The following TRDMT1 variants were observed in gnomAD, a reference collection of about 807,000 sequenced individuals.
The protein encoded by TRDMT1 is tRNA (cytosine(38)-C(5))-methyltransferase.
Under a neutral mutation model 51.2 loss-of-function variants are expected in TRDMT1, and 49 were observed. That is an observed-to-expected ratio of 0.96 (90% CI 0.76 to 1.21). TRDMT1 has a LOEUF of 1.21. Among genes scored for constraint, TRDMT1 ranks in the 50% most tolerant of loss-of-function variants. TRDMT1 has a pLI of 0.00. For missense variants in TRDMT1, 534 were observed against 462.3 expected (o/e 1.16, Z -1.42); for synonymous variants, 187 against 164.6 (o/e 1.14, Z -1.04).
At chr10:17,160,511 G>A (rs978253244) in intron 5 of TRDMT1, 137 bp from the exon 6 acceptor site, 5 of 464,574 alleles carry the variant, frequency 1.1e-5, no homozygotes, top group Admixed American at 3.9e-5. Flanking sequence ...TCACTCTGTT[G>A]CCCAGGCTGG....
rs572913865 is a variant in TRDMT1 at position 17,141,407 on chromosome 10, C to T, written c.*7633G>A. On this transcript the variant is annotated 3_prime_UTR_variant, in exon 11 of 11. Coordinates refer to ENST00000377799, the MANE Select transcript of TRDMT1 (RefSeq NM_004412.7). ...TATCTCCTGACCTTATGATCTGCCCCCCTTCGCCTCCTAAAGTGCTGGGAT... is the reference window on the plus strand; with the variant it reads ...TATCTCCTGACCTTATGATCTGCCCTCCTTCGCCTCCTAAAGTGCTGGGAT... Among the ~76,000 whole-genome samples, 3 of 152,086 alleles carry T rather than the reference C, an allele frequency of 2.0e-5. No individual in the cohort carries two copies. The highest frequency in any genetic ancestry group is 6.6e-5 in the Admixed American group (1 of 15,266).
At chr10:17,171,541 G>C (rs555899540) in intron 2 of TRDMT1, 41 of 152,286 alleles carry the variant, frequency 2.7e-4, no homozygotes, top group African/African-American at 8.9e-4. Context: ...TTTTTGGCTT[G>C]TGGCCTTAAT....
At chr10:17,191,732 C>T (rs970122569) in intron 1 of TRDMT1, among the ~76,000 whole-genome samples, 19 of 152,118 alleles carry the variant, frequency 1.2e-4, no homozygotes, top group African/African-American at 1.2e-4. Flanking sequence ...AGCACCATTG[C>T]GGGAGGAGGG....
chr10:17,200,235 T>G (rs1378817294), intron 1 of TRDMT1, among the ~76,000 whole-genome samples: 2 of 152,194 alleles, frequency 1.3e-5, no homozygotes, highest in African/African-American at 4.8e-5. Flanking sequence ...ATTCGACACT[T>G]AAGGAATGGC....
chr10:17,146,578 AC>A lies in TRDMT1; in HGVS notation c.*2461del. The A allele has an allele frequency of 2.0e-6, 2 of 985,330 alleles. No homozygotes were observed. The highest frequency in any genetic ancestry group is 2.4e-6 in the Non-Finnish European group (2 of 829,808). 61.0% of individuals were successfully genotyped at this position (985,330 alleles called of 1,614,324 possible). ...TATGAAGCAGGGTAATAAATACCTT[AC>A]AATTATCTGGCAAGCCGTTTAAAAG... On this transcript the variant is annotated 3_prime_UTR_variant, in exon 11 of 11. Coordinates refer to ENST00000377799, the MANE Select transcript of TRDMT1 (RefSeq NM_004412.7).
intron 8 of TRDMT1, 125 bp from the exon 9 acceptor site, chr10:17,154,859 G>T: frequency 1.3e-6 from 1 of 765,416 alleles, no homozygotes; most frequent in Non-Finnish European, 2.0e-6. Context: ...CTTGAATAAT[G>T]TCACATAAAT....
At chr10:17,188,495 T>C (rs1350156670) in intron 1 of TRDMT1, among the ~76,000 whole-genome samples, 1 of 152,066 alleles carries the variant, frequency 6.6e-6, no homozygotes, top group African/African-American at 2.4e-5. Flanking sequence ...GCAGAGATGA[T>C]AAAACAACGA....
chr10:17,162,541 T>C (rs1840541966), intron 3 of TRDMT1, among the ~76,000 whole-genome samples: 1 of 152,124 alleles, frequency 6.6e-6, no homozygotes, highest in Non-Finnish European at 1.5e-5. Context: ...ACCCTGTCTC[T>C]ACTAAAAATA....
chr10:17,181,920 A>G (rs1843329831), intron 1 of TRDMT1, among the ~76,000 whole-genome samples: 1 of 152,058 alleles, frequency 6.6e-6, no homozygotes, highest in East Asian at 1.9e-4. Flanking sequence ...TTTGGGGGAA[A>G]CTTACCTCAC....
Position 17,145,021 on chromosome 10 carries a change from G to A in TRDMT1, c.*4019C>T, listed in dbSNP as rs73604239. ...CCCAGCACTTAGGGAAGCCAAGGTG[G>A]GTGGATTAACTTGAGGTCAGGTGTT... is the stretch of plus-strand genomic sequence containing the variant. On this transcript the variant is annotated 3_prime_UTR_variant, in exon 11 of 11. Coordinates refer to ENST00000377799, the MANE Select transcript of TRDMT1 (RefSeq NM_004412.7). 14,339 of 970,144 alleles carry A rather than the reference G, an allele frequency of 0.015. 1,575 individuals carry two copies. The African/African-American group carries it at 0.23, about 16-fold the overall frequency. 60.1% of individuals were successfully genotyped at this position (970,144 alleles called of 1,614,324 possible). A position where few individuals can be genotyped will look rare whatever the true frequency, so the allele number is the denominator to read the frequency against.
chr10:17,174,889 T>C (rs546526783), intron 1 of TRDMT1, among the ~76,000 whole-genome samples: 121 of 152,342 alleles, frequency 7.9e-4, no homozygotes, highest in African/African-American at 2.7e-3. Context: ...AAAGAGAAGA[T>C]TTAAATATTT....
Position 17,140,870 on chromosome 10 carries a change from C to T in TRDMT1, c.*8170G>A, listed in dbSNP as rs961623071. ...TTCACAGTTATAATCATTAGCTATA[C>T]GTTAGGTGTCTTCCTTTCATCTTTG... On this transcript the variant is annotated 3_prime_UTR_variant, in exon 11 of 11. Coordinates refer to ENST00000377799, the MANE Select transcript of TRDMT1 (RefSeq NM_004412.7). 3.3e-5 allele frequency among the ~76,000 whole-genome samples: 5 copies of T among 152,156 alleles called. No homozygotes were observed. The highest frequency in any genetic ancestry group is 2.1e-4 in the South Asian group (1 of 4,830).
At chr10:17,154,896 G>A (rs1252118146) in intron 8 of TRDMT1, among the ~76,000 whole-genome samples, 162 bp from the exon 9 acceptor site, 5 of 151,998 alleles carry the variant, frequency 3.3e-5, no homozygotes, top group African/African-American at 9.7e-5. Flanking sequence ...AAATTACTAG[G>A]TAAAAGACAT....
chr10:17,199,132 A>G (rs1226697242), intron 1 of TRDMT1, among the ~76,000 whole-genome samples: 2 of 152,260 alleles, frequency 1.3e-5, no homozygotes, highest in African/African-American at 4.8e-5. Flanking sequence ...GGAAAGGAGC[A>G]ATGCATTTTA....
intron 2 of TRDMT1, chr10:17,169,220 T>C: frequency 1.5e-6 from 1 of 688,216 alleles, no homozygotes; most frequent in Non-Finnish European, 2.1e-6. Context: ...AGTGTAACAC[T>C]GCTGTTTTCT....
rs1018880592 is a variant in TRDMT1 at position 17,142,265 on chromosome 10, T to C, written c.*6775A>G. 6.6e-6 allele frequency: 1 copy of C among 152,222 alleles called. No homozygotes were observed. Among genetic ancestry groups the C allele is most frequent in the African/African-American group, 2.4e-5 (1 of 41,444 alleles). 9.4% of individuals were successfully genotyped at this position (152,222 alleles called of 1,614,324 possible). ...CCTTTTGTCTATTATTTTAATCTTT[T>C]ATTTTTAGTAGGCAGTCACTCCATT... On this transcript the variant is annotated 3_prime_UTR_variant, in exon 11 of 11. Coordinates refer to ENST00000377799, the MANE Select transcript of TRDMT1 (RefSeq NM_004412.7).
chr10:17,183,419 T>C (rs942123236), intron 1 of TRDMT1, among the ~76,000 whole-genome samples: 1 of 152,118 alleles, frequency 6.6e-6, no homozygotes, highest in African/African-American at 2.4e-5. Context: ...TTTATTTATA[T>C]CTTTAGTTAC....
intron 2 of TRDMT1, among the ~76,000 whole-genome samples, chr10:17,173,501 A>G (rs145389851): frequency 2.0e-5 from 3 of 152,258 alleles, no homozygotes; most frequent in Admixed American, 2.0e-4. Flanking sequence ...CTTAATCCAT[A>G]ATGAAAAGAA....
At chr10:17,197,842 G>A (rs1394958517) in intron 1 of TRDMT1, among the ~76,000 whole-genome samples, 1 of 152,122 alleles carries the variant, frequency 6.6e-6, no homozygotes, top group East Asian at 1.9e-4. Flanking sequence ...AGACCAGCCT[G>A]GCCAACATGG....
Sources: allele counts gnomAD v4.1 joint callset (sites outside exome capture counted in the v4.1 genomes callset), GRCh38; gene constraint gnomAD v4.1.1; transcripts MANE v1.5; gene names NCBI Gene and HGNC (gene_info 2026-07-23, HGNC 2026-07-21).